POMK: variants seen among roughly 807,000 people sequenced by gnomAD.
The protein encoded by POMK is protein O-mannose kinase.
POMK carries 19 observed loss-of-function variants against 23.0 expected under a neutral mutation model. That is an observed-to-expected ratio of 0.83 (90% CI 0.58 to 1.21). The LOEUF (loss-of-function observed/expected upper bound fraction) is 1.21. Ranked by LOEUF, POMK falls within the 50% of genes most tolerant of loss-of-function variation. The probability of loss-of-function intolerance (pLI) is 0.00; values close to 1 mark genes in which losing one functional copy is unlikely to be tolerated. For synonymous variants in POMK, 173 were observed against 171.6 expected (o/e 1.01, Z -0.06); for missense variants, 410 against 431.3 (o/e 0.95, Z 0.44).
intron 2 of POMK, among the ~76,000 whole-genome samples, chr8:43,098,648 C>A (rs959055607): frequency 6.6e-6 from 1 of 152,116 alleles, no homozygotes; most frequent in African/African-American, 2.4e-5. Context: ...GTTGCTGGGT[C>A]GTGTGGTGAC....
At chr8:43,105,752 C>A (rs1811532128) in intron 4 of POMK, among the ~76,000 whole-genome samples, 1 of 152,170 alleles carries the variant, frequency 6.6e-6, no homozygotes, top group Non-Finnish European at 1.5e-5. Context: ...ACCACCTCCA[C>A]TTCTGGGTTC....
chr8:43,111,426 G>A (rs1811661078), intron 4 of POMK, among the ~76,000 whole-genome samples: 1 of 152,244 alleles, frequency 6.6e-6, no homozygotes, highest in South Asian at 2.1e-4. Flanking sequence ...CAGCTGGGAA[G>A]CTCAAACTGG....
chr8:43,117,076 A>G (rs1170413107), intron 4 of POMK, among the ~76,000 whole-genome samples: 1 of 152,240 alleles, frequency 6.6e-6, no homozygotes, highest in Admixed American at 6.5e-5. Context: ...AGGTAATGTC[A>G]TCGCTTAAGG....
chr8:43,102,057 G>T (rs776674659), intron 2 of POMK, among the ~76,000 whole-genome samples: 1 of 152,208 alleles, frequency 6.6e-6, no homozygotes, highest in Admixed American at 6.5e-5. Flanking sequence ...TTCCTCCAGG[G>T]AGTTCCTACA....
chr8:43,119,330 A>G (rs1226993901), intron 4 of POMK, among the ~76,000 whole-genome samples: 2 of 152,142 alleles, frequency 1.3e-5, no homozygotes, highest in African/African-American at 2.4e-5. Context: ...CGTGTGTTCA[A>G]TATGAAAATT....
chr8:43,106,240 G>A (rs1811540298), intron 4 of POMK, among the ~76,000 whole-genome samples: 1 of 152,132 alleles, frequency 6.6e-6, no homozygotes, highest in Admixed American at 6.6e-5. Context: ...TTTTCCTGAT[G>A]ATTAGTAACA....
chr8:43,109,867 CTT>C (rs1014509656), intron 4 of POMK, among the ~76,000 whole-genome samples: 1 of 152,194 alleles, frequency 6.6e-6, no homozygotes, highest in African/African-American at 2.4e-5. Flanking sequence ...TTTTATGAAT[CTT>C]TTATAACCCT....
chr8:43,111,127 TG>T (rs1475131151), intron 4 of POMK, among the ~76,000 whole-genome samples: 1 of 152,272 alleles, frequency 6.6e-6, no homozygotes, highest in East Asian at 1.9e-4. Context: ...GGCGAGGCAT[TG>T]CCCCACCCGG....
intron 4 of POMK, among the ~76,000 whole-genome samples, chr8:43,104,515 A>T (rs1811509183): frequency 6.6e-6 from 1 of 152,242 alleles, no homozygotes; most frequent in African/African-American, 2.4e-5. Flanking sequence ...CACTTGACGG[A>T]ATATTCTGCA....
At chr8:43,108,443 A>C (rs1343717689) in intron 4 of POMK, among the ~76,000 whole-genome samples, 2 of 152,250 alleles carry the variant, frequency 1.3e-5, no homozygotes, top group Non-Finnish European at 2.9e-5. Flanking sequence ...TAGTTTTTAA[A>C]TTCTGGAGAA....
chr8:43,100,036 A>AG (rs1811406488), intron 2 of POMK, among the ~76,000 whole-genome samples: 1 of 152,142 alleles, frequency 6.6e-6, no homozygotes, highest in African/African-American at 2.4e-5. Context: ...TCTTCATCAG[A>AG]GGGACAGAGA....
intron 4 of POMK, among the ~76,000 whole-genome samples, chr8:43,114,430 TCTC>T (rs962712430): frequency 2.2e-4 from 33 of 152,176 alleles, no homozygotes; most frequent in Admixed American, 1.7e-3. Flanking sequence ...CGGGATATAA[TCTC>T]CTGGTGTGCC....
chr8:43,116,372 C>G (rs1378739282), intron 4 of POMK, among the ~76,000 whole-genome samples: 1 of 152,214 alleles, frequency 6.6e-6, no homozygotes, highest in African/African-American at 2.4e-5. Context: ...TCCAGTGATC[C>G]TCCCACCTCA....
chr8:43,101,230 C>T (rs1811433979), intron 2 of POMK, among the ~76,000 whole-genome samples: 1 of 151,746 alleles, frequency 6.6e-6, no homozygotes, highest in Non-Finnish European at 1.5e-5. Context: ...CAAGGCCAGC[C>T]TGAGCAACAT....
rs1281309857 is a variant in POMK, at chr8:43,122,818, C to A, written c.994C>A (p.Gln332Lys). The A allele has an allele frequency of 5.0e-6, 8 of 1,613,896 alleles. No homozygotes were observed. The Admixed American group carries it at 1.3e-4, about 27-fold the overall frequency. Residue 332 changes from glutamine (Q) to lysine (K), a missense_variant, in exon 5 of 5, where the codon CAG becomes AAG. Gln to Lys is a moderately conservative substitution (Grantham distance 53, BLOSUM62 1). Coordinates refer to ENST00000331373, the MANE Select transcript of POMK (RefSeq NM_032237.5). ...TGCCCAGGACGTTCTGGAGACCTACCAGAAGGTCTTGGATACACTTAGAGA... is the reference window on the plus strand; with the variant it reads ...TGCCCAGGACGTTCTGGAGACCTACAAGAAGGTCTTGGATACACTTAGAGA... ...PTAQDVLETYQKVLDTLRDAM... is the reference protein window; with the variant it reads ...PTAQDVLETYKKVLDTLRDAM...
Position 43,122,667 on chromosome 8 carries a change from C to T in POMK, c.843C>T (p.Asp281=). The part of the protein sequence containing the change: ...DLMPSYDEKI[D]IWKIPDISSF... ...TGCCCTCATATGATGAGAAGATTGA[C>T]ATTTGGAAGATCCCAGACATCTCCA... The change falls in exon 5 of 5, where the codon GAC becomes GAT. Residue 281 remains aspartate, a synonymous_variant. Transcript: ENST00000331373. 1 of 1,614,156 alleles carries T rather than the reference C, an allele frequency of 6.2e-7. No individual in the cohort carries two copies. The highest frequency in any genetic ancestry group is 8.5e-7 in the Non-Finnish European group (1 of 1,180,012).
chr8:43,111,734 A>G (rs187119731), intron 4 of POMK, among the ~76,000 whole-genome samples: 164 of 152,258 alleles, frequency 1.1e-3, no homozygotes, highest in Non-Finnish European at 2.0e-3. Context: ...TTCCAGAGGA[A>G]CGATCGGGCA....
At chr8:43,109,694 C>G (rs1036551898) in intron 4 of POMK, among the ~76,000 whole-genome samples, 1 of 152,086 alleles carries the variant, frequency 6.6e-6, no homozygotes, top group Admixed American at 6.5e-5. Context: ...AGGCATGTGC[C>G]ACCACACCTG....
intron 4 of POMK, among the ~76,000 whole-genome samples, chr8:43,121,472 A>C (rs1415924574): frequency 6.6e-6 from 1 of 152,262 alleles, no homozygotes; most frequent in Admixed American, 6.5e-5. Flanking sequence ...AGCTGAAGTA[A>C]CACCAAACCA....
Sources: allele counts gnomAD v4.1 joint callset (sites outside exome capture counted in the v4.1 genomes callset), GRCh38; gene constraint gnomAD v4.1.1; transcripts MANE v1.5; gene names NCBI Gene and HGNC (gene_info 2026-07-23, HGNC 2026-07-21).